Variants in SPG11 observed in about 807,000 individuals in gnomAD.
SPG11 encodes the protein SPG11 vesicle trafficking associated, spatacsin.
Under a neutral mutation model 274.0 loss-of-function variants are expected in SPG11, and 222 were observed. That is an observed-to-expected ratio of 0.81 (90% confidence interval 0.73 to 0.91). The LOEUF is 0.91. Ranked by LOEUF, SPG11 falls within the 40% of genes least tolerant of loss-of-function variation. SPG11 has a pLI of 0.00. For missense variants in SPG11, 3,114 were observed against 2,872.7 expected (o/e 1.08, Z -1.92); for synonymous variants, 1,144 against 1,039.7 (o/e 1.10, Z -1.93).
chr15:44,652,330 A>C, intron 4 of SPG11, 64 bp from the exon 5 acceptor site: 5 of 1,545,824 alleles, frequency 3.2e-6, no homozygotes, highest in Non-Finnish European at 3.6e-6. Flanking sequence ...TTGTGTTACT[A>C]CTGCTCCTGT....
intron 19 of SPG11, among the ~76,000 whole-genome samples, chr15:44,607,274 T>C (rs1373144410): frequency 1.3e-5 from 2 of 152,200 alleles, no homozygotes; most frequent in African/African-American, 4.8e-5. Context: ...AGGGAGTTTG[T>C]GCCTTTATAG....
chr15:44,569,330 G>T, intron 35 of SPG11, 68 bp downstream of exon 35: 1 of 1,165,134 alleles, frequency 8.6e-7, no homozygotes, highest in Non-Finnish European at 1.3e-6. Flanking sequence ...GATTATTCCT[G>T]AGAAAAGCTG....
At chr15:44,596,616 T>C (rs1470956753) in intron 24 of SPG11, among the ~76,000 whole-genome samples, 168 bp downstream of exon 24, 3 of 112,298 alleles carry the variant, frequency 2.7e-5, no homozygotes, top group Non-Finnish European at 5.1e-5. Context: ...AAAATAATAG[T>C]ATCATATGAA....
intron 17 of SPG11, among the ~76,000 whole-genome samples, chr15:44,612,032 A>G (rs983192745): frequency 6.6e-6 from 1 of 152,072 alleles, no homozygotes; most frequent in African/African-American, 2.4e-5. Context: ...GATGGCCTCG[A>G]TCTCCTGACC....
chr15:44,572,509 T>C, intron 33 of SPG11, 174 bp downstream of exon 33: 1 of 645,130 alleles, frequency 1.6e-6, no homozygotes, highest in Non-Finnish European at 2.7e-6. Flanking sequence ...TCATCCATAA[T>C]TTCTAAATTT....
At chr15:44,596,711 A>ATGTCTTAGAAG in intron 24 of SPG11, 73 bp downstream of exon 24, 1 of 1,473,714 alleles carries the variant, frequency 6.8e-7, no homozygotes. Flanking sequence ...ATGTCTACAC[A>ATGTCTTAGAAG]ACAGAAAGAA....
At chr15:44,596,724 C>G in intron 24 of SPG11, 60 bp downstream of exon 24, 1 of 785,528 alleles carries the variant, frequency 1.3e-6, no homozygotes, top group Non-Finnish European at 2.0e-6. Context: ...AGAAAGAATG[C>G]TATCTTCTAA....
chr15:44,641,005 G>A (rs1172834497), intron 7 of SPG11, among the ~76,000 whole-genome samples: 1 of 152,228 alleles, frequency 6.6e-6, no homozygotes, highest in African/African-American at 2.4e-5. Context: ...TGGGATTACA[G>A]GCGTGAGCCA....
rs201558800 is a variant in SPG11, at chr15:44,576,142, CAAAAAAAAAAAAAAAA to C, written c.5867-1117_5867-1102del. Among the ~76,000 whole-genome samples, 584 of 43,264 alleles carry C rather than the reference CAAAAAAAAAAAAAAAA, an allele frequency of 0.013. 46 individuals carry two copies. The South Asian group carries it at 0.15, about 11-fold the overall frequency. The allele number at this position is 43,264 out of a possible 152,430, so 28.4% of individuals were successfully genotyped here. A position where few individuals can be genotyped will look rare whatever the true frequency, so the allele number is the denominator to read the frequency against. ...GGGCAACAAGAATGAAACTCCATCT[CAAAAAAAAAAAAAAAA>C]AAAAAAAAAGCTCTTAGCTTAAAAT... On this transcript the variant is annotated intron_variant, in intron 30 of 39. Transcript: ENST00000261866.
Position 44,585,762 on chromosome 15 carries a change from G to A in SPG11, c.4995C>T (p.Ser1665=), listed in dbSNP as rs2082748978. The change falls in exon 29 of 40, where the codon AGC becomes AGT. Residue 1665 remains serine (S), a synonymous_variant. Transcript: ENST00000261866. ...TACATTCATGCTGAAGATTCTCAAT[G>A]CTGTAGCTGGTAATAATTGTATGAT... ...AINHTIITSY[S]IENLQHECRS... is the part of the protein sequence containing the mutation. The A allele has an allele frequency of 6.2e-7, 1 of 1,613,868 alleles. No individual in the cohort carries two copies. Among genetic ancestry groups the A allele is most frequent in the Non-Finnish European group, 8.5e-7 (1 of 1,179,930 alleles).
chr15:44,591,748 G>A lies in SPG11; in HGVS notation c.4743+583C>T, dbSNP rs537939385. Among the ~76,000 whole-genome samples, 312 of 152,304 alleles carry A rather than the reference G, an allele frequency of 2.0e-3. 12 individuals are homozygous for A. In the South Asian group the frequency reaches 0.063, roughly 31 times the overall value. ...AACACTTTGAGAGGCCGAGGCAGGA[G>A]GACTGCTTGAGGCAAGGAGTTCCAA... On this transcript the variant is annotated intron_variant, in intron 27 of 39. Coordinates refer to ENST00000261866, the MANE Select transcript of SPG11 (RefSeq NM_025137.4).
intron 5 of SPG11, 39 bp from the exon 6 acceptor site, chr15:44,651,978 G>A: frequency 6.3e-7 from 1 of 1,590,064 alleles, no homozygotes; most frequent in South Asian, 1.1e-5. Flanking sequence ...ACCTGTCACA[G>A]TAAAAGGCAC....
chr15:44,647,067 C>G (rs2141094106), intron 7 of SPG11, among the ~76,000 whole-genome samples: 1 of 152,190 alleles, frequency 6.6e-6, no homozygotes, highest in East Asian at 1.9e-4. Flanking sequence ...AGTCTAGCAT[C>G]CAGAATATAT....
intron 15 of SPG11, among the ~76,000 whole-genome samples, chr15:44,616,357 C>T (rs957628557): frequency 6.6e-6 from 1 of 152,062 alleles, no homozygotes; most frequent in South Asian, 2.1e-4. Context: ...AGGCATGTGC[C>T]ACCACACTCA....
chr15:44,643,484 T>C (rs1355859784), intron 7 of SPG11, among the ~76,000 whole-genome samples: 1 of 152,144 alleles, frequency 6.6e-6, no homozygotes, highest in African/African-American at 2.4e-5. Flanking sequence ...CCACAAAGAA[T>C]GCAAAAGAAT....
intron 20 of SPG11, among the ~76,000 whole-genome samples, chr15:44,601,447 G>T (rs150070344): frequency 1.3e-5 from 2 of 151,812 alleles, no homozygotes; most frequent in African/African-American, 4.8e-5. Context: ...TTTTGGTAGA[G>T]ATGAGATTTC....
chr15:44,618,688 T>A (rs1189381067), intron 15 of SPG11, among the ~76,000 whole-genome samples: 1 of 149,984 alleles, frequency 6.7e-6, no homozygotes, highest in South Asian at 2.1e-4. Context: ...GGCGTGGTGG[T>A]GGGTGCCTGT....
intron 26 of SPG11, 75 bp downstream of exon 26, chr15:44,595,184 A>G (rs2083002955): frequency 6.9e-7 from 1 of 1,452,542 alleles, no homozygotes; most frequent in Non-Finnish European, 9.6e-7. Context: ...AGGGATGGAA[A>G]TAAGAAAAAG....
chr15:44,619,847 C>T (rs886203727), intron 15 of SPG11, among the ~76,000 whole-genome samples: 15 of 151,832 alleles, frequency 9.9e-5, no homozygotes, highest in Non-Finnish European at 1.8e-4. Flanking sequence ...CTCAGCCTCC[C>T]AAGTAGTTGG....
Sources: allele counts gnomAD v4.1 joint callset (sites outside exome capture counted in the v4.1 genomes callset), GRCh38; gene constraint gnomAD v4.1.1; transcripts MANE v1.5; gene names NCBI Gene and HGNC (gene_info 2026-07-23, HGNC 2026-07-21).